LRRTM4: variants seen among roughly 807,000 people sequenced by gnomAD.
LRRTM4 encodes the protein leucine-rich repeat transmembrane neuronal protein 4.
LRRTM4 carries 25 observed loss-of-function variants against 47.6 expected under a neutral mutation model. That is an observed-to-expected ratio of 0.53 (90% CI 0.38 to 0.73). LRRTM4 has a LOEUF of 0.73. Ranked by LOEUF, LRRTM4 falls within the 30% of genes least tolerant of loss-of-function variation. The probability of loss-of-function intolerance (pLI) is 0.00; values close to 1 mark genes in which losing one functional copy is unlikely to be tolerated. For synonymous variants in LRRTM4, 311 were observed against 269.5 expected, an observed-to-expected ratio of 1.15 and a Z score of -1.51; for missense variants, 638 against 713.4, an observed-to-expected ratio of 0.89 and a Z score of 1.20.
chr2:76,770,556 A>C (rs1226574917), intron 3 of LRRTM4, among the ~76,000 whole-genome samples: 1 of 152,204 alleles, frequency 6.6e-6, no homozygotes, highest in African/African-American at 2.4e-5. Context: ...TTAATGTTTT[A>C]ATTTCGGGAT....
At chr2:77,234,424 G>T (rs951650664) in intron 3 of LRRTM4, among the ~76,000 whole-genome samples, 1 of 152,060 alleles carries the variant, frequency 6.6e-6, no homozygotes, top group Admixed American at 6.5e-5. Flanking sequence ...GTTTGGATGT[G>T]GCCTATGGTA....
rs530458962 is a variant in LRRTM4, at chr2:76,826,502, C to G, written c.1552-77586G>C. Among the ~76,000 whole-genome samples, 5 of 149,878 alleles carry G rather than the reference C, an allele frequency of 3.3e-5. No homozygotes were observed. The South Asian group carries it at 1.1e-3, about 32-fold the overall frequency. On this transcript the variant is annotated intron_variant, in intron 3 of 3. Coordinates refer to ENST00000409884, the MANE Select transcript of LRRTM4 (RefSeq NM_001134745.3). Reference sequence around the variant, plus strand: ...TTAAGGATTTGGAAAGTAGGAGAATCAATTGTCTTTGAAATATAAATTGCT... The same window carrying G: ...TTAAGGATTTGGAAAGTAGGAGAATGAATTGTCTTTGAAATATAAATTGCT...
At chr2:77,362,276 A>T (rs1672273939) in intron 3 of LRRTM4, among the ~76,000 whole-genome samples, 1 of 152,156 alleles carries the variant, frequency 6.6e-6, no homozygotes, top group Non-Finnish European at 1.5e-5. Flanking sequence ...CTTAACAAAC[A>T]CATTTCACCT....
At chr2:76,933,497 T>C (rs185586411) in intron 3 of LRRTM4, among the ~76,000 whole-genome samples, 20 of 152,228 alleles carry the variant, frequency 1.3e-4, no homozygotes, top group Admixed American at 9.2e-4. Flanking sequence ...AATTGGGGTA[T>C]GTAAAAAGAG....
At chr2:76,865,025 T>G (rs1423932813) in intron 3 of LRRTM4, among the ~76,000 whole-genome samples, 1 of 151,972 alleles carries the variant, frequency 6.6e-6, no homozygotes, top group Non-Finnish European at 1.5e-5. Context: ...ATTATATTCT[T>G]TCCATTATTG....
chr2:77,380,825 A>G (rs556756511), intron 3 of LRRTM4, among the ~76,000 whole-genome samples: 88 of 152,046 alleles, frequency 5.8e-4, no homozygotes, highest in African/African-American at 2.1e-3. Context: ...GACTTACGGT[A>G]CACTATATAA....
chr2:76,752,689 T>C (rs913387376), intron 3 of LRRTM4, among the ~76,000 whole-genome samples: 2 of 152,214 alleles, frequency 1.3e-5, no homozygotes, highest in Non-Finnish European at 2.9e-5. Flanking sequence ...TCTGAGGAGC[T>C]CAGAGGCTGA....
intron 3 of LRRTM4, among the ~76,000 whole-genome samples, chr2:77,106,738 A>G (rs1305661667): frequency 1.3e-5 from 2 of 152,020 alleles, no homozygotes; most frequent in Non-Finnish European, 2.9e-5. Context: ...ATCTATAAGG[A>G]AGGGAATTCC....
chr2:77,022,469 G>C (rs1678308020), intron 3 of LRRTM4, among the ~76,000 whole-genome samples: 1 of 152,124 alleles, frequency 6.6e-6, no homozygotes, highest in Non-Finnish European at 1.5e-5. Flanking sequence ...AAAGTCCACA[G>C]TTGAAAGTTT....
At chr2:77,484,477 T>C (rs548529744) in intron 3 of LRRTM4, among the ~76,000 whole-genome samples, 9 of 152,336 alleles carry the variant, frequency 5.9e-5, no homozygotes, top group African/African-American at 1.9e-4. Flanking sequence ...TGCAAAGAGG[T>C]GTCCACAGAT....
intron 3 of LRRTM4, among the ~76,000 whole-genome samples, chr2:77,100,157 T>C (rs1254181148): frequency 1.3e-5 from 2 of 152,174 alleles, no homozygotes; most frequent in Non-Finnish European, 2.9e-5. Context: ...ACATTTGCAT[T>C]GATAATGTTG....
intron 3 of LRRTM4, among the ~76,000 whole-genome samples, chr2:76,837,070 T>A (rs141502748): frequency 0.016 from 2,367 of 152,284 alleles, 51 homozygotes; most frequent in African/African-American, 0.05. Flanking sequence ...ATCCTGTTAT[T>A]GGTCTATTCA....
chr2:77,175,186 C>T (rs1454028270), intron 3 of LRRTM4, among the ~76,000 whole-genome samples: 1 of 151,536 alleles, frequency 6.6e-6, no homozygotes, highest in Non-Finnish European at 1.5e-5. Context: ...TCTCATGCCT[C>T]AGCCTCCAGA....
chr2:77,430,207 T>A (rs1193335314), intron 3 of LRRTM4, among the ~76,000 whole-genome samples: 1 of 152,230 alleles, frequency 6.6e-6, no homozygotes, highest in Non-Finnish European at 1.5e-5. Flanking sequence ...ATTAGCTAGC[T>A]TTAGTTATTC....
At chr2:77,307,526 A>G (rs1057214986) in intron 3 of LRRTM4, among the ~76,000 whole-genome samples, 1 of 140,716 alleles carries the variant, frequency 7.1e-6, no homozygotes, top group Non-Finnish European at 1.5e-5. Context: ...ATATAGATAT[A>G]TAATATATAG....
chr2:76,756,898 G>A (rs570348534), intron 3 of LRRTM4, among the ~76,000 whole-genome samples: 87 of 152,124 alleles, frequency 5.7e-4, no homozygotes, highest in South Asian at 5.0e-3. Flanking sequence ...CATCTAAAAC[G>A]TTGCTCAGAT....
At chr2:77,439,610 T>C (rs572957345) in intron 3 of LRRTM4, among the ~76,000 whole-genome samples, 1 of 152,208 alleles carries the variant, frequency 6.6e-6, no homozygotes, top group Non-Finnish European at 1.5e-5. Flanking sequence ...TTTCCCTATT[T>C]TATTAATCTC....
At chr2:77,230,701 C>T (rs1215970236) in intron 3 of LRRTM4, among the ~76,000 whole-genome samples, 1 of 152,108 alleles carries the variant, frequency 6.6e-6, no homozygotes, top group Non-Finnish European at 1.5e-5. Context: ...GCACATAACT[C>T]ACTGCCTAGA....
At chr2:77,327,068 T>C (rs1670803488) in intron 3 of LRRTM4, among the ~76,000 whole-genome samples, 1 of 152,156 alleles carries the variant, frequency 6.6e-6, no homozygotes, top group Admixed American at 6.5e-5. Flanking sequence ...CTATGATGGA[T>C]ACAGTAAAGG....
Sources: gnomAD v4.1 joint callset for allele counts (sites outside exome capture counted in the v4.1 genomes callset) on GRCh38, gnomAD v4.1.1 for gene constraint, MANE v1.5 for transcripts, NCBI Gene and HGNC (gene_info 2026-07-23, HGNC 2026-07-21) for gene names.